Variants in SRGAP2B observed in about 807,000 individuals in gnomAD.
The protein encoded by SRGAP2B is SLIT-ROBO Rho GTPase activating protein 2B.
SRGAP2B carries 9 observed loss-of-function variants against 22.2 expected under a neutral mutation model. The observed-to-expected ratio is 0.41, with a 90% CI of 0.24 to 0.71. The LOEUF (loss-of-function observed/expected upper bound fraction) is 0.71, where lower values mean the gene tolerates loss of function less well. Among genes scored for constraint, SRGAP2B ranks in the 30% least tolerant of loss-of-function variants. SRGAP2B has a pLI of 0.35. For synonymous variants in SRGAP2B, 36 were observed against 87.4 expected (o/e 0.41, Z 3.28); for missense variants, 114 against 235.8 (o/e 0.48, Z 3.38).
At chr1:144,979,130 C>A (rs1210458860) in intron 3 of SRGAP2B, among the ~76,000 whole-genome samples, 153 of 151,354 alleles carry the variant, frequency 1.0e-3, no homozygotes, top group African/African-American at 3.5e-3. Context: ...GAAAGCTCCG[C>A]CTCCTGGGTT....
intron 3 of SRGAP2B, among the ~76,000 whole-genome samples, chr1:144,975,761 T>A (rs1297570685): frequency 1.3e-5 from 2 of 149,532 alleles, no homozygotes; most frequent in Admixed American, 1.3e-4. Flanking sequence ...GTCAGCTAAC[T>A]TTTGAACATT....
At chr1:145,056,952 AACAC>A (rs199492508) in intron 2 of SRGAP2B, among the ~76,000 whole-genome samples, 3,650 of 123,050 alleles carry the variant, frequency 0.03, 89 homozygotes, top group Middle Eastern at 0.063. Context: ...AAGGAGATAA[AACAC>A]ACACACACAC....
intron 4 of SRGAP2B, among the ~76,000 whole-genome samples, chr1:144,940,799 CAAA>C (rs71249180): frequency 2.4e-5 from 2 of 83,398 alleles, no homozygotes; most frequent in African/African-American, 9.5e-5. Flanking sequence ...ACTCCATCTC[CAAA>C]AAAAAAAAAA....
At chr1:145,073,656 T>TC (rs1373651300) in intron 2 of SRGAP2B, among the ~76,000 whole-genome samples, 2 of 35,114 alleles carry the variant, frequency 5.7e-5, no homozygotes, top group Non-Finnish European at 5.5e-5. Context: ...CACCATCACC[T>TC]CGGATCATCT....
chr1:145,091,984 T>C (rs1239950698), intron 2 of SRGAP2B, among the ~76,000 whole-genome samples: 4 of 148,280 alleles, frequency 2.7e-5, no homozygotes, highest in African/African-American at 7.7e-5. Flanking sequence ...CTCTTATTCA[T>C]GAGTCAAGTC....
chr1:144,911,392 C>G (rs1663398392), intron 5 of SRGAP2B, among the ~76,000 whole-genome samples: 1 of 150,120 alleles, frequency 6.7e-6, no homozygotes, highest in South Asian at 2.1e-4. Context: ...ATGTAACAGG[C>G]CCAGCTTCCC....
chr1:144,971,436 T>G (rs1668513311), intron 3 of SRGAP2B, among the ~76,000 whole-genome samples: 1 of 149,630 alleles, frequency 6.7e-6, no homozygotes, highest in South Asian at 2.1e-4. Flanking sequence ...CGGCCCATAC[T>G]TTTTTTTTGC....
chr1:145,075,786 C>A (rs1331024272), intron 2 of SRGAP2B, among the ~76,000 whole-genome samples: 1 of 147,388 alleles, frequency 6.8e-6, no homozygotes, highest in African/African-American at 2.6e-5. Flanking sequence ...CTCTAGATTG[C>A]AATTTAAGAA....
chr1:144,973,986 G>A (rs1668720719), intron 3 of SRGAP2B, among the ~76,000 whole-genome samples: 1 of 150,300 alleles, frequency 6.7e-6, no homozygotes, highest in South Asian at 2.1e-4. Context: ...CAGACACAGA[G>A]GCCCCAGCCT....
chr1:144,910,497 A>G (rs1317751080), intron 5 of SRGAP2B, among the ~76,000 whole-genome samples: 2 of 149,856 alleles, frequency 1.3e-5, no homozygotes, highest in African/African-American at 5.1e-5. Flanking sequence ...TAGCTCTGCC[A>G]GCACACAGCC....
intron 2 of SRGAP2B, among the ~76,000 whole-genome samples, chr1:145,043,955 A>T (rs1272791541): frequency 9.2e-5 from 1 of 10,912 alleles, no homozygotes; most frequent in Non-Finnish European, 1.7e-4. Context: ...ACGGGGGTAG[A>T]GCACAAAATT....
intron 4 of SRGAP2B, among the ~76,000 whole-genome samples, chr1:144,921,184 G>C (rs1392305560): frequency 8.9e-6 from 1 of 111,830 alleles, no homozygotes; most frequent in African/African-American, 3.8e-5. Flanking sequence ...TTTAGTTTAA[G>C]ATCAATTTTT....
chr1:144,892,624 A>T (rs1263078355), intron 9 of SRGAP2B, among the ~76,000 whole-genome samples: 3 of 150,360 alleles, frequency 2.0e-5, no homozygotes, highest in African/African-American at 7.5e-5. Context: ...CTTGACCCAG[A>T]TCTTTTAATG....
At position 144,996,131 on chromosome 1, in the gene SRGAP2B, C is replaced by T. The variant is rs1249918463; in HGVS notation, c.68-931G>A. Among the ~76,000 whole-genome samples the T allele has an allele frequency of 1.4e-4, 21 of 151,384 alleles. 1 individual carries two copies. The highest frequency in any genetic ancestry group is 5.2e-4 in the African/African-American group (21 of 40,734). ...GCAGCTATAGATGCAAACAGATCTG[C>T]CTCAAATGCAGCACTGCATTTGTTA... On this transcript the variant is annotated intron_variant, in intron 2 of 9. Transcript: ENST00000612199.
intron 3 of SRGAP2B, among the ~76,000 whole-genome samples, chr1:144,957,164 G>T (rs76482487): frequency 6.6e-6 from 1 of 150,686 alleles, no homozygotes; most frequent in South Asian, 2.1e-4. Flanking sequence ...TCTCTTCTCC[G>T]CTCCAGTCAG....
chr1:145,022,530 CG>C (rs1647263521), intron 2 of SRGAP2B, among the ~76,000 whole-genome samples: 1 of 143,110 alleles, frequency 7.0e-6, no homozygotes, highest in South Asian at 2.2e-4. Flanking sequence ...AATGGTCCTT[CG>C]CTTCTGAAAT....
At chr1:144,929,349 G>C (rs1296219227) in intron 4 of SRGAP2B, among the ~76,000 whole-genome samples, 1 of 149,156 alleles carries the variant, frequency 6.7e-6, no homozygotes, top group African/African-American at 2.5e-5. Flanking sequence ...TGTCGCTTGT[G>C]CTTTGGTGTC....
intron 2 of SRGAP2B, among the ~76,000 whole-genome samples, chr1:145,015,640 T>C (rs1392492373): frequency 6.7e-6 from 1 of 149,788 alleles, no homozygotes; most frequent in African/African-American, 2.5e-5. Context: ...AGGATTGGAA[T>C]TACCTATGGG....
At chr1:145,009,153 G>A (rs1671839877) in intron 2 of SRGAP2B, among the ~76,000 whole-genome samples, 1 of 142,694 alleles carries the variant, frequency 7.0e-6, no homozygotes, top group Non-Finnish European at 1.5e-5. Context: ...CTCCAGCCTG[G>A]GCGACAGAGC....
Sources: allele counts gnomAD v4.1 joint callset (sites outside exome capture counted in the v4.1 genomes callset), GRCh38; gene constraint gnomAD v4.1.1; transcripts MANE v1.5; gene names NCBI Gene and HGNC (gene_info 2026-07-23, HGNC 2026-07-21).